Variants in NEDD4L observed in about 807,000 individuals in gnomAD.
NEDD4L encodes NEDD4 like E3 ubiquitin protein ligase.
In NEDD4L, 54 loss-of-function variants were observed where a neutral mutation model predicts 148.9. The ratio of observed to expected loss-of-function variants is 0.36; its 90% CI spans 0.29 to 0.45. NEDD4L has a LOEUF of 0.45. Ranked by LOEUF, NEDD4L falls within the 20% of genes least tolerant of loss-of-function variation. The pLI is 1.00. For missense variants in NEDD4L, 856 were observed against 1,233.8 expected, an observed-to-expected ratio of 0.69 and a Z score of 4.59; for synonymous variants, 433 against 440.7, an observed-to-expected ratio of 0.98 and a Z score of 0.22.
chr18:58,357,142 A>G, intron 18 of NEDD4L, 52 bp from the exon 19 acceptor site: 1 of 1,493,648 alleles, frequency 6.7e-7, no homozygotes, highest in Non-Finnish European at 9.2e-7. Flanking sequence ...TTTACATAGA[A>G]TAGATTTGAA....
At chr18:58,108,407 T>C (rs2085211640) in intron 1 of NEDD4L, among the ~76,000 whole-genome samples, 1 of 152,174 alleles carries the variant, frequency 6.6e-6, no homozygotes, top group South Asian at 2.1e-4. Context: ...TTTATACTGT[T>C]ATTATTTTAT....
chr18:58,273,499 G>A (rs1004386532), intron 5 of NEDD4L, among the ~76,000 whole-genome samples: 1 of 152,136 alleles, frequency 6.6e-6, no homozygotes, highest in Non-Finnish European at 1.5e-5. Flanking sequence ...ATATAGACAC[G>A]GTAGAGTCAG....
chr18:58,292,976 C>T (rs762737256), intron 5 of NEDD4L, among the ~76,000 whole-genome samples: 2 of 152,200 alleles, frequency 1.3e-5, no homozygotes, highest in Non-Finnish European at 2.9e-5. Flanking sequence ...AGGTTACTGA[C>T]AGCCCAAAAT....
intron 5 of NEDD4L, among the ~76,000 whole-genome samples, chr18:58,266,955 T>C (rs2050305495): frequency 6.6e-6 from 1 of 152,078 alleles, no homozygotes; most frequent in Admixed American, 6.5e-5. Flanking sequence ...ATAGAAATGT[T>C]TTAAGATTAC....
At chr18:58,329,770 AT>A (rs2059647260) in intron 10 of NEDD4L, among the ~76,000 whole-genome samples, 1 of 151,066 alleles carries the variant, frequency 6.6e-6, no homozygotes, top group Non-Finnish European at 1.5e-5. Context: ...AAGTGCTTAG[AT>A]TACAGGCGTG....
intron 30 of NEDD4L, among the ~76,000 whole-genome samples, chr18:58,394,840 G>A (rs1365563622): frequency 6.6e-6 from 1 of 152,224 alleles, no homozygotes; most frequent in African/African-American, 2.4e-5. Context: ...GCACGTGAAT[G>A]GTTAGCTTTT....
chr18:58,217,065 A>G (rs1397305760), intron 2 of NEDD4L, among the ~76,000 whole-genome samples: 1 of 152,172 alleles, frequency 6.6e-6, no homozygotes, highest in African/African-American at 2.4e-5. Flanking sequence ...GATGCAGGAG[A>G]CCTTTCCCCC....
intron 2 of NEDD4L, among the ~76,000 whole-genome samples, chr18:58,185,054 C>A (rs766128315): frequency 6.6e-6 from 1 of 152,232 alleles, no homozygotes; most frequent in African/African-American, 2.4e-5. Flanking sequence ...CAGCACCAGG[C>A]GTGCACGGCG....
At chr18:58,119,225 A>G (rs1284144577) in intron 1 of NEDD4L, among the ~76,000 whole-genome samples, 1 of 151,828 alleles carries the variant, frequency 6.6e-6, no homozygotes, top group African/African-American at 2.4e-5. Context: ...AGTCATTCTC[A>G]TGGGCCATGG....
At chr18:58,381,383 C>T (rs1206495333) in intron 24 of NEDD4L, among the ~76,000 whole-genome samples, 2 of 152,148 alleles carry the variant, frequency 1.3e-5, no homozygotes, top group African/African-American at 4.8e-5. Context: ...CTGTGGCCGA[C>T]CCGCTCATTC....
At position 58,124,984 on chromosome 18, in the gene NEDD4L, C is replaced by T. The variant is rs377596003; in HGVS notation, c.49-40804C>T. On this transcript the variant is annotated intron_variant, in intron 1 of 30. Coordinates refer to ENST00000400345, the MANE Select transcript of NEDD4L (RefSeq NM_001144967.3). The stretch of plus-strand genomic sequence containing the variant: ...GTGGTCCAATCATAGCTCACTGCAG[C>T]GTCAGACTCCTGGGTTCAGGCAGTC... Among the ~76,000 whole-genome samples the T allele has an allele frequency of 2.6e-5, 4 of 152,304 alleles. No individual in the cohort carries two copies. In the South Asian group the frequency reaches 8.3e-4, roughly 32 times the overall value.
chr18:58,114,330 T>C (rs184697339), intron 1 of NEDD4L, among the ~76,000 whole-genome samples: 6 of 151,632 alleles, frequency 4.0e-5, no homozygotes, highest in African/African-American at 1.5e-4. Context: ...TTGGAATCCA[T>C]TGGGAGATTT....
intron 1 of NEDD4L, among the ~76,000 whole-genome samples, chr18:58,119,232 A>G (rs1027723263): frequency 1.3e-5 from 2 of 151,996 alleles, no homozygotes; most frequent in Non-Finnish European, 2.9e-5. Context: ...CTCATGGGCC[A>G]TGGAGAGTGG....
chr18:58,192,170 T>A (rs367928106), intron 2 of NEDD4L, among the ~76,000 whole-genome samples: 39 of 152,192 alleles, frequency 2.6e-4, no homozygotes, highest in African/African-American at 7.5e-4. Flanking sequence ...AATAATAATT[T>A]AAAAAAACTT....
At chr18:58,250,143 GTTTGT>G (rs529802328) in intron 4 of NEDD4L, among the ~76,000 whole-genome samples, 3 of 151,832 alleles carry the variant, frequency 2.0e-5, no homozygotes, top group Admixed American at 6.6e-5. Context: ...TTTTTTGTTT[GTTTGT>G]TTTGTTTTGT....
intron 1 of NEDD4L, among the ~76,000 whole-genome samples, chr18:58,143,808 G>T (rs914152995): frequency 6.6e-6 from 1 of 152,180 alleles, no homozygotes; most frequent in Admixed American, 6.5e-5. Flanking sequence ...AGAAGAGAGG[G>T]ACCGAGGGCC....
chr18:58,346,130 A>G (rs989603900), intron 16 of NEDD4L, among the ~76,000 whole-genome samples: 1 of 152,268 alleles, frequency 6.6e-6, no homozygotes, highest in African/African-American at 2.4e-5. Context: ...CTTTCAGGGA[A>G]TGCATGCTGG....
Position 58,332,733 on chromosome 18 carries a change from T to A in NEDD4L, c.991-1085T>A, listed in dbSNP as rs533840094. Among the ~76,000 whole-genome samples, 5 of 152,316 alleles carry A rather than the reference T, an allele frequency of 3.3e-5. 1 individual carries two copies. The South Asian group carries it at 1.0e-3, about 32-fold the overall frequency. ...ACAGAGTCTTCTTGTACCATTTACT[T>A]ATCACAAAATATTAAAAATGAGTAA... On this transcript the variant is annotated intron_variant, in intron 11 of 30. Coordinates refer to ENST00000400345, the MANE Select transcript of NEDD4L (RefSeq NM_001144967.3).
chr18:58,096,170 T>G (rs1405627830), intron 1 of NEDD4L, among the ~76,000 whole-genome samples: 2 of 151,988 alleles, frequency 1.3e-5, no homozygotes, highest in African/African-American at 2.4e-5. Flanking sequence ...GCTCTTTTCC[T>G]TTATTATTTT....
Sources: gnomAD v4.1 joint callset for allele counts (sites outside exome capture counted in the v4.1 genomes callset) on GRCh38, gnomAD v4.1.1 for gene constraint, MANE v1.5 for transcripts, NCBI Gene and HGNC (gene_info 2026-07-23, HGNC 2026-07-21) for gene names.